The following GCH1 variants were observed in gnomAD, a reference collection of about 807,000 sequenced individuals.
GCH1 encodes the protein GTP cyclohydrolase 1.
Under a neutral mutation model 25.9 loss-of-function variants are expected in GCH1, and 5 were observed. The ratio of observed to expected loss-of-function variants is 0.19; its 90% confidence interval spans 0.10 to 0.41. The LOEUF is 0.41. Among genes scored for constraint, GCH1 ranks in the 10% least tolerant of loss-of-function variants. The pLI is 1.00. For synonymous variants in GCH1, 159 were observed against 129.6 expected (o/e 1.23, Z -1.54); for missense variants, 261 against 336.5 (o/e 0.78, Z 1.75).
chr14:54,843,308 G>A lies in GCH1; in HGVS notation c.*709C>T. ...AATGATATTCTTATCAAGGCACAGA[G>A]AGTTAAATGTCTAAATCCCTGTATG... On this transcript the variant is annotated 3_prime_UTR_variant, in exon 6 of 6. Transcript: ENST00000491895. 2 of 1,336,758 alleles carry A rather than the reference G, an allele frequency of 1.5e-6. No homozygotes were observed. Among genetic ancestry groups the A allele is most frequent in the Non-Finnish European group, 1.9e-6 (2 of 1,048,848 alleles). 82.8% of individuals were successfully genotyped at this position (1,336,758 alleles called of 1,614,324 possible).
At chr14:54,894,088 T>C (rs1403058964) in intron 1 of GCH1, among the ~76,000 whole-genome samples, 1 of 152,216 alleles carries the variant, frequency 6.6e-6, no homozygotes, top group East Asian at 1.9e-4. Flanking sequence ...ATTTTTTTAA[T>C]AATAGTATTT....
intron 1 of GCH1, among the ~76,000 whole-genome samples, chr14:54,896,149 T>C (rs905569550): frequency 3.9e-5 from 6 of 152,228 alleles, no homozygotes; most frequent in African/African-American, 1.4e-4. Context: ...AGTTAATATA[T>C]AGAATACAGA....
chr14:54,880,791 CATATATATATATATACTCCATAT>C (rs2040257125), intron 1 of GCH1, among the ~76,000 whole-genome samples: 1 of 43,718 alleles, frequency 2.3e-5, no homozygotes, highest in Non-Finnish European at 3.6e-5. Context: ...ATATATACTC[CATATATATATATATACTCCATAT>C]ATATATATAT....
At chr14:54,886,355 G>C (rs555391103) in intron 1 of GCH1, 3 of 152,792 alleles carry the variant, frequency 2.0e-5, no homozygotes, top group African/African-American at 7.2e-5. Flanking sequence ...GCTCATGCCT[G>C]TAATCCCCGC....
intron 3 of GCH1, among the ~76,000 whole-genome samples, chr14:54,854,414 G>A (rs1351350092): frequency 2.0e-5 from 3 of 152,110 alleles, no homozygotes; most frequent in African/African-American, 7.2e-5. Context: ...CACCTGCCGG[G>A]CAGTGAGCAC....
intron 1 of GCH1, 43 bp from the exon 2 acceptor site, chr14:54,865,479 G>C: frequency 1.1e-6 from 1 of 914,594 alleles, no homozygotes; most frequent in Non-Finnish European, 1.8e-6. Context: ...CAATTTTATA[G>C]AAAGGTAGAA....
At chr14:54,844,165 G>A in intron 5 of GCH1, 22 bp from the exon 6 acceptor site, 1 of 1,552,502 alleles carries the variant, frequency 6.4e-7, no homozygotes, top group Non-Finnish European at 8.9e-7. Flanking sequence ...GGCAACACAG[G>A]TTGTTTAAAG....
intron 1 of GCH1, among the ~76,000 whole-genome samples, chr14:54,894,034 C>T (rs994183616): frequency 6.6e-6 from 1 of 152,138 alleles, no homozygotes; most frequent in Non-Finnish European, 1.5e-5. Context: ...CAGTGAAGTG[C>T]GTAGTACTTG....
intron 1 of GCH1, among the ~76,000 whole-genome samples, chr14:54,866,514 A>G (rs1356051601): frequency 5.9e-5 from 9 of 151,820 alleles, no homozygotes; most frequent in Middle Eastern, 3.2e-3. Context: ...AGATATAATA[A>G]GACACGTAGC....
intron 3 of GCH1, among the ~76,000 whole-genome samples, chr14:54,848,989 G>C (rs930692274): frequency 1.3e-5 from 2 of 152,138 alleles, no homozygotes; most frequent in Non-Finnish European, 1.5e-5. Flanking sequence ...TTTCCTTCTC[G>C]TATTCACCAT....
chr14:54,892,679 A>T (rs1297405022), intron 1 of GCH1, among the ~76,000 whole-genome samples: 1 of 152,054 alleles, frequency 6.6e-6, no homozygotes, highest in Non-Finnish European at 1.5e-5. Flanking sequence ...GAAGAGCAAG[A>T]CTCTATCTCA....
Position 54,894,953 on chromosome 14 carries a change from C to T in GCH1, c.343+7368G>A, listed in dbSNP as rs17128057. 7.3e-3 allele frequency among the ~76,000 whole-genome samples: 1,110 copies of T among 152,234 alleles called. 13 individuals carry two copies. The highest frequency in any genetic ancestry group is 0.026 in the African/African-American group (1,065 of 41,540). On this transcript the variant is annotated intron_variant, in intron 1 of 5. Coordinates refer to ENST00000491895, the MANE Select transcript of GCH1 (RefSeq NM_000161.3). ...CTTTAAAACTTGGGATATAAACTCA[C>T]CTTTCACCCATGATATAGGAGAGAA...
chr14:54,862,170 T>C (rs997720215), intron 2 of GCH1, among the ~76,000 whole-genome samples: 1 of 152,000 alleles, frequency 6.6e-6, no homozygotes, highest in African/African-American at 2.4e-5. Flanking sequence ...TAGCTAGGAC[T>C]ACAGGTATGC....
chr14:54,890,240 G>A (rs2140112269), intron 1 of GCH1, among the ~76,000 whole-genome samples: 1 of 152,374 alleles, frequency 6.6e-6, no homozygotes, highest in East Asian at 1.9e-4. Context: ...GCTTACGCCT[G>A]TAATCCCAGC....
At chr14:54,850,015 C>T (rs1002984081) in intron 3 of GCH1, among the ~76,000 whole-genome samples, 3 of 152,108 alleles carry the variant, frequency 2.0e-5, no homozygotes, top group African/African-American at 4.8e-5. Flanking sequence ...TGCTCTGTTG[C>T]CCAGGCTGGA....
At chr14:54,848,082 A>G (rs1331443529) in intron 3 of GCH1, among the ~76,000 whole-genome samples, 1 of 152,116 alleles carries the variant, frequency 6.6e-6, no homozygotes, top group African/African-American at 2.4e-5. Context: ...CCCAAGAAAT[A>G]AAAGCCTCCT....
At chr14:54,878,203 T>G (rs2040191566) in intron 1 of GCH1, 1 of 154,364 alleles carries the variant, frequency 6.5e-6, no homozygotes, top group African/African-American at 2.4e-5. Flanking sequence ...AGTATAGGAA[T>G]TAGTGCCGTC....
Position 54,900,327 on chromosome 14 carries a change from AG to A in GCH1, c.343+1993del, listed in dbSNP as rs1301211095. Among the ~76,000 whole-genome samples the A allele has an allele frequency of 9.6e-3, 1,454 of 151,974 alleles. 27 individuals are homozygous for A. The highest frequency in any genetic ancestry group is 0.033 in the African/African-American group (1,364 of 41,414). ...TGGGTTCAAGTGATTCTCCTGCCTC[AG>A]CCTCCCGAGTAGCTGGGACTACAGG... On this transcript the variant is annotated intron_variant, in intron 1 of 5. Coordinates refer to ENST00000491895, the MANE Select transcript of GCH1 (RefSeq NM_000161.3).
chr14:54,846,613 T>C (rs17253584), intron 4 of GCH1, among the ~76,000 whole-genome samples: 15,876 of 152,286 alleles, frequency 0.1, 1,053 homozygotes, highest in Non-Finnish European at 0.13. Context: ...TGCAGGTATA[T>C]GCATGAAAAT....
Sources: gnomAD v4.1 joint callset for allele counts (sites outside exome capture counted in the v4.1 genomes callset) on GRCh38, gnomAD v4.1.1 for gene constraint, MANE v1.5 for transcripts, NCBI Gene and HGNC (gene_info 2026-07-23, HGNC 2026-07-21) for gene names.